The following STPG2 variants were observed in gnomAD, a reference collection of about 807,000 sequenced individuals.
STPG2 encodes sperm tail PG-rich repeat containing 2.
Under a neutral mutation model 54.2 loss-of-function variants are expected in STPG2, and 56 were observed. The observed-to-expected ratio is 1.03, with a 90% CI of 0.83 to 1.29. The LOEUF is 1.29. STPG2 is among the 50% of genes most tolerant of loss of function. STPG2 has a pLI of 0.00. For synonymous variants in STPG2, 200 were observed against 181.8 expected, an observed-to-expected ratio of 1.10 and a Z score of -0.81; for missense variants, 596 against 544.9, an observed-to-expected ratio of 1.09 and a Z score of -0.93.
intron 9 of STPG2, among the ~76,000 whole-genome samples, chr4:97,798,129 A>T (rs1288345107): frequency 3.9e-5 from 6 of 152,126 alleles, no homozygotes; most frequent in Non-Finnish European, 8.8e-5. Flanking sequence ...TTTTCAAAAA[A>T]CTAGCTCCTG....
chr4:97,522,747 T>C (rs1553934835), intron 4 of STPG2, among the ~76,000 whole-genome samples: 1 of 151,972 alleles, frequency 6.6e-6, no homozygotes, highest in Non-Finnish European at 1.5e-5. Flanking sequence ...AAGGTTTCAA[T>C]TACACTGGCA....
At chr4:97,926,850 A>T (rs1732348819) in intron 8 of STPG2, among the ~76,000 whole-genome samples, 1 of 152,104 alleles carries the variant, frequency 6.6e-6, no homozygotes, top group South Asian at 2.1e-4. Flanking sequence ...CTTAGCTTTG[A>T]AACATAACTC....
At chr4:97,738,950 C>T (rs1452720127) in intron 9 of STPG2, among the ~76,000 whole-genome samples, 3 of 151,912 alleles carry the variant, frequency 2.0e-5, no homozygotes, top group Non-Finnish European at 2.9e-5. Context: ...CAAAATTGAC[C>T]AAATAGTTGG....
chr4:98,083,014 A>G (rs1402422987), intron 5 of STPG2, among the ~76,000 whole-genome samples: 1 of 152,086 alleles, frequency 6.6e-6, no homozygotes, highest in Non-Finnish European at 1.5e-5. Context: ...TCTCTTCTAC[A>G]TAAAACCCTT....
At chr4:98,038,554 C>G (rs1736843373) in intron 5 of STPG2, among the ~76,000 whole-genome samples, 1 of 151,016 alleles carries the variant, frequency 6.6e-6, no homozygotes, top group African/African-American at 2.4e-5. Context: ...ATCCCATGCA[C>G]ACAAAAAAAA....
chr4:97,589,646 T>C (rs1733087698), intron 10 of STPG2, among the ~76,000 whole-genome samples: 1 of 152,174 alleles, frequency 6.6e-6, no homozygotes, highest in Admixed American at 6.5e-5. Context: ...TCAGCCTTTG[T>C]AGTGCAAATG....
chr4:97,643,496 A>G (rs887472548), intron 10 of STPG2, among the ~76,000 whole-genome samples: 5 of 151,712 alleles, frequency 3.3e-5, no homozygotes, highest in African/African-American at 7.2e-5. Flanking sequence ...TCATAGAACA[A>G]TAGTTTTATT....
intron 5 of STPG2, among the ~76,000 whole-genome samples, chr4:98,080,526 AAC>A (rs1309574388): frequency 2.0e-5 from 3 of 152,212 alleles, no homozygotes; most frequent in Non-Finnish European, 4.4e-5. Context: ...GCCAATAATT[AAC>A]AGTCACAATT....
chr4:97,447,581 C>T (rs760238742), intron 4 of STPG2, among the ~76,000 whole-genome samples: 4 of 152,152 alleles, frequency 2.6e-5, no homozygotes, highest in African/African-American at 9.7e-5. Context: ...CTAAAACGGG[C>T]AAGGTATGGT....
At chr4:98,004,891 T>C (rs960572512) in intron 5 of STPG2, among the ~76,000 whole-genome samples, 10 of 151,926 alleles carry the variant, frequency 6.6e-5, no homozygotes, top group Non-Finnish European at 1.0e-4. Flanking sequence ...TATTAAGCCC[T>C]TATCAGATGT....
intron 4 of STPG2, among the ~76,000 whole-genome samples, chr4:97,546,612 C>T (rs1731839004): frequency 6.6e-6 from 1 of 152,112 alleles, no homozygotes; most frequent in African/African-American, 2.4e-5. Context: ...AAAAACCTTG[C>T]TGTATTCAAC....
At chr4:97,520,173 C>A (rs780610361) in intron 4 of STPG2, among the ~76,000 whole-genome samples, 2 of 151,886 alleles carry the variant, frequency 1.3e-5, no homozygotes, top group Non-Finnish European at 2.9e-5. Flanking sequence ...CAGTGAAAGA[C>A]AGTTGGTGGA....
chr4:98,114,442 A>G (rs1739450437), intron 3 of STPG2, among the ~76,000 whole-genome samples: 1 of 152,088 alleles, frequency 6.6e-6, no homozygotes, highest in African/African-American at 2.4e-5. Flanking sequence ...AACATATCTA[A>G]TATGTTGATT....
intron 4 of STPG2, among the ~76,000 whole-genome samples, chr4:97,509,683 G>T (rs1052045970): frequency 6.6e-6 from 1 of 151,802 alleles, no homozygotes; most frequent in Non-Finnish European, 1.5e-5. Flanking sequence ...GAATATAAGG[G>T]AAAACAAAAA....
chr4:97,747,905 T>A (rs2149043286), intron 9 of STPG2, among the ~76,000 whole-genome samples: 1 of 151,570 alleles, frequency 6.6e-6, no homozygotes, highest in East Asian at 1.9e-4. Flanking sequence ...GTTTAATATT[T>A]CCCAGCAGAT....
At position 97,799,344 on chromosome 4, in the gene STPG2, T is replaced by C. The variant is rs533557644; in HGVS notation, c.1204+41429A>G. 5.8e-3 allele frequency among the ~76,000 whole-genome samples: 889 copies of C among 152,362 alleles called. 8 individuals are homozygous for C. The highest frequency in any genetic ancestry group is 9.7e-3 in the Non-Finnish European group (658 of 68,036). On this transcript the variant is annotated intron_variant, in intron 9 of 10. Coordinates refer to ENST00000295268, the MANE Select transcript of STPG2 (RefSeq NM_174952.3). ...ACAAGTTGTTCCTTTCCATGTTTAG[T>C]GCTTCCTTCAGGAGCTCTTGTAGGA...
chr4:97,691,656 A>G (rs921641624), intron 10 of STPG2, among the ~76,000 whole-genome samples: 1 of 151,850 alleles, frequency 6.6e-6, no homozygotes, highest in Non-Finnish European at 1.5e-5. Context: ...CCACCACCTA[A>G]CCCTAGGGCA....
intron 9 of STPG2, among the ~76,000 whole-genome samples, chr4:97,782,336 A>C (rs936377909): frequency 5.9e-5 from 9 of 152,316 alleles, no homozygotes; most frequent in Admixed American, 2.6e-4. Flanking sequence ...CAATTGCTTC[A>C]AAGAGAATAA....
In STPG2 at chr4:97,514,489, G is replaced by A. The variant is rs188184475; in HGVS notation, c.462+198210C>T. ...AAGGAGGAATTGAAGTTCTTCCTAA[G>A]ACTTCTAATTTCTCATGAAGAAGAA... On this transcript the variant is annotated intron_variant, in intron 4 of 4. Transcript: ENST00000522676. Among the ~76,000 whole-genome samples the A allele has an allele frequency of 1.2e-3, 188 of 152,174 alleles. 3 individuals are homozygous for A. The highest frequency in any genetic ancestry group is 0.012 in the East Asian group (63 of 5,158).
Sources: gnomAD v4.1 joint callset for allele counts (sites outside exome capture counted in the v4.1 genomes callset) on GRCh38, gnomAD v4.1.1 for gene constraint, MANE v1.5 for transcripts, NCBI Gene and HGNC (gene_info 2026-07-23, HGNC 2026-07-21) for gene names.